The following NCKAP5 variants were observed in gnomAD, a reference collection of about 807,000 sequenced individuals.
NCKAP5 encodes the protein NCK associated protein 5.
In NCKAP5, 92 loss-of-function variants were observed where a neutral mutation model predicts 167.0. The observed-to-expected ratio is 0.55, with a 90% CI of 0.47 to 0.66. NCKAP5 has a LOEUF of 0.66. Among genes scored for constraint, NCKAP5 ranks in the 30% least tolerant of loss-of-function variants. The probability of loss-of-function intolerance (pLI) is 0.00; values close to 1 mark genes in which losing one functional copy is unlikely to be tolerated. For missense variants in NCKAP5, 2,378 were observed against 2,315.0 expected (o/e 1.03, Z -0.56); for synonymous variants, 891 against 877.4 (o/e 1.02, Z -0.27).
intron 5 of NCKAP5, among the ~76,000 whole-genome samples, chr2:133,195,763 A>G (rs1169221014): frequency 1.3e-5 from 2 of 152,190 alleles, no homozygotes; most frequent in Admixed American, 1.3e-4. Context: ...AGCCTCTTAG[A>G]CAAATGGTAC....
chr2:133,293,167 G>T (rs1236607261), intron 4 of NCKAP5, among the ~76,000 whole-genome samples: 1 of 152,134 alleles, frequency 6.6e-6, no homozygotes, highest in Non-Finnish European at 1.5e-5. Flanking sequence ...AATGTTTCTT[G>T]CAAACAAGGT....
intron 2 of NCKAP5, among the ~76,000 whole-genome samples, chr2:133,546,243 C>A (rs980069667): frequency 6.6e-6 from 1 of 152,088 alleles, no homozygotes; most frequent in African/African-American, 2.4e-5. Context: ...TGAGGAGTAT[C>A]TGAGTGAACA....
At chr2:133,186,931 ATT>A (rs952487548) in intron 5 of NCKAP5, among the ~76,000 whole-genome samples, 1 of 150,708 alleles carries the variant, frequency 6.6e-6, no homozygotes, top group Non-Finnish European at 1.5e-5. Flanking sequence ...CTTTTTTACA[ATT>A]TTTTTTGCAT....
At chr2:132,901,290 A>C (rs1288529822) in intron 8 of NCKAP5, among the ~76,000 whole-genome samples, 1 of 152,202 alleles carries the variant, frequency 6.6e-6, no homozygotes, top group East Asian at 1.9e-4. Flanking sequence ...GCTGAGTTCC[A>C]CTTAGGTTTT....
At chr2:133,211,512 A>T (rs1252562897) in intron 5 of NCKAP5, among the ~76,000 whole-genome samples, 1 of 152,098 alleles carries the variant, frequency 6.6e-6, no homozygotes, top group Non-Finnish European at 1.5e-5. Flanking sequence ...GTTCTATTTT[A>T]AATGGTGAGC....
the NCKAP5 span, among the ~76,000 whole-genome samples, chr2:133,651,927 T>C: frequency 1.3e-5 from 2 of 152,202 alleles, no homozygotes; most frequent in African/African-American, 4.8e-5. Context: ...TCAAAATAAC[T>C]GTGCACCTCC....
At chr2:132,819,031 ATCT>A (rs1422894212) in intron 11 of NCKAP5, among the ~76,000 whole-genome samples, 2 of 152,154 alleles carry the variant, frequency 1.3e-5, no homozygotes, top group African/African-American at 4.8e-5. Flanking sequence ...TTTCTTTATA[ATCT>A]TATGTCTTTT....
chr2:133,431,938 G>T (rs1280049502), intron 3 of NCKAP5: 2 of 152,104 alleles, frequency 1.3e-5, no homozygotes, highest in African/African-American at 4.8e-5. Flanking sequence ...TTGTAAAATT[G>T]CCCATGGAAG....
chr2:133,499,556 GTTTTTT>G (rs1405838088), intron 3 of NCKAP5, among the ~76,000 whole-genome samples: 10 of 2,870 alleles, frequency 3.5e-3, no homozygotes, highest in African/African-American at 0.028. Flanking sequence ...GTTCTTTTTT[GTTTTTT>G]GTTTTTTGTT....
intron 11 of NCKAP5, among the ~76,000 whole-genome samples, chr2:132,838,878 G>A (rs925901581): frequency 3.3e-5 from 5 of 152,140 alleles, no homozygotes; most frequent in Non-Finnish European, 4.4e-5. Context: ...ACAGTAATAA[G>A]CATTATTTCT....
At chr2:133,071,441 T>C (rs968801816) in intron 6 of NCKAP5, among the ~76,000 whole-genome samples, 1 of 152,058 alleles carries the variant, frequency 6.6e-6, no homozygotes, top group Non-Finnish European at 1.5e-5. Flanking sequence ...CGAGACTCCG[T>C]CTCAAAAAAC....
At chr2:132,800,922 C>T (rs537459234) in intron 11 of NCKAP5, among the ~76,000 whole-genome samples, 17 of 152,310 alleles carry the variant, frequency 1.1e-4, no homozygotes, top group South Asian at 1.0e-3. Context: ...CTGGGTGTCA[C>T]GAAACCTCGG....
At chr2:133,455,244 A>T (rs1691776832) in intron 3 of NCKAP5, among the ~76,000 whole-genome samples, 1 of 152,116 alleles carries the variant, frequency 6.6e-6, no homozygotes. Context: ...AAAGCCTAAA[A>T]TGATACATCT....
chr2:133,102,239 C>T (rs1332388140), intron 6 of NCKAP5, among the ~76,000 whole-genome samples: 3 of 152,078 alleles, frequency 2.0e-5, no homozygotes, highest in Non-Finnish European at 2.9e-5. Flanking sequence ...CTCTGCCTCC[C>T]GGGTTCAAGT....
chr2:133,307,319 C>T (rs574344944), intron 3 of NCKAP5, among the ~76,000 whole-genome samples: 1 of 151,996 alleles, frequency 6.6e-6, no homozygotes, highest in African/African-American at 2.4e-5. Context: ...GTTTGTCAAA[C>T]AATGATAGAA....
At chr2:132,994,084 C>A in intron 7 of NCKAP5, 68 bp downstream of exon 7, 1 of 1,211,606 alleles carries the variant, frequency 8.3e-7, no homozygotes, top group Non-Finnish European at 1.2e-6. Context: ...TTAGAGAGGA[C>A]AAACCTAGAG....
Position 132,783,537 on chromosome 2 carries a change from A to G in NCKAP5, c.3274T>C (p.Leu1092=), listed in dbSNP as rs923067038. ...GGGGGTGTGGAGGCGCTATCATTCA[A>G]TTGTCCTTTTCTCCCTGGAGATACA... is the stretch of plus-strand genomic sequence containing the variant. ...KSVSPGRKGQ[L]NDSASTPPKP... is the part of the protein sequence containing the mutation. Residue 1092 remains leucine (L), a synonymous_variant, in exon 14 of 20, where the codon TTG becomes CTG. Transcript: ENST00000409261. 6.2e-7 allele frequency: 1 copy of G among 1,613,664 alleles called. No homozygotes were observed. The highest frequency in any genetic ancestry group is 8.5e-7 in the Non-Finnish European group (1 of 1,179,836).
chr2:133,491,427 TTGTGTGCAGA>T (rs1185032541), intron 3 of NCKAP5, among the ~76,000 whole-genome samples: 1 of 152,106 alleles, frequency 6.6e-6, no homozygotes, highest in African/African-American at 2.4e-5. Flanking sequence ...GGTAACAATG[TTGTGTGCAGA>T]GAGGTCCAAC....
In NCKAP5 at chr2:133,517,479, C is replaced by A; in HGVS notation, c.48G>T (p.Leu16=). The change falls in exon 3 of 20, where the codon CTG becomes CTT. Residue 16 remains leucine, a synonymous_variant. Transcript: ENST00000409261. ...QLEKRDFGKR[L]SLDSSLVEYM... ...TTACCACAAGACTGCTGTCTAGAGACAGCCTTTTTCCAAAGTCCCTTTTCT... is the reference window on the plus strand; with the variant it reads ...TTACCACAAGACTGCTGTCTAGAGAAAGCCTTTTTCCAAAGTCCCTTTTCT... The A allele has an allele frequency of 6.5e-7, 1 of 1,528,016 alleles. No individual in the cohort carries two copies. The highest frequency in any genetic ancestry group is 8.8e-7 in the Non-Finnish European group (1 of 1,132,960). 94.7% of individuals were successfully genotyped at this position (1,528,016 alleles called of 1,614,324 possible). A position where few individuals can be genotyped will look rare whatever the true frequency, so the allele number is the denominator to read the frequency against.
Sources: allele counts gnomAD v4.1 joint callset (sites outside exome capture counted in the v4.1 genomes callset), GRCh38; gene constraint gnomAD v4.1.1; transcripts MANE v1.5; gene names NCBI Gene and HGNC (gene_info 2026-07-23, HGNC 2026-07-21).